The following NBDY variants were observed in gnomAD, a reference collection of about 807,000 sequenced individuals.
NBDY encodes P-body dissociating protein.
chrX:56,787,359 C>T (rs558719346), intron 2 of NBDY, among the ~76,000 whole-genome samples: 11 of 110,885 alleles, frequency 9.9e-5, no homozygotes, highest in South Asian at 7.7e-4. Context: ...AGCAAAGGGG[C>T]GTGGGCTTAA....
chrX:56,735,811 G>A (rs747509832), intron 2 of NBDY, among the ~76,000 whole-genome samples: 33 of 111,300 alleles, frequency 3.0e-4, no homozygotes, highest in African/African-American at 1.0e-3. Flanking sequence ...CTCCTTCTGC[G>A]AAGTAGGGCT....
Position 56,790,038 on chromosome X carries a change from G to A in NBDY, c.*167-27282G>A, listed in dbSNP as rs775899704. Among the ~76,000 whole-genome samples the A allele has an allele frequency of 6.3e-5, 7 of 111,327 alleles. No individual in the cohort carries two copies. In the South Asian group the frequency reaches 2.3e-3, roughly 37 times the overall value. On this transcript the variant is annotated intron_variant, in intron 2 of 2. Transcript: ENST00000374922. ...CTCAAGCTAAACTCTGGTGCTTGCC[G>A]GATATTCATCCAGAAAAATGAATGA...
At chrX:56,805,445 C>T (rs1353397410) in intron 2 of NBDY, among the ~76,000 whole-genome samples, 3 of 112,361 alleles carry the variant, frequency 2.7e-5, no homozygotes, top group African/African-American at 3.2e-5. Context: ...AGGCACCTCC[C>T]GTAAAACCTG....
At chrX:56,813,384 G>C (rs763886986) in intron 2 of NBDY, among the ~76,000 whole-genome samples, 2 of 110,580 alleles carry the variant, frequency 1.8e-5, no homozygotes, top group East Asian at 2.8e-4. Flanking sequence ...ACACAACAGC[G>C]ATCCACATTT....
rs578045791 is a variant in NBDY at position 56,750,606 on chromosome X, A to T, written c.*166+18407A>T. ...TTAGACTGAATGTTACCAAAACTGA[A>T]CTCTTCATCACCCCACCAGCAGCAC... On this transcript the variant is annotated intron_variant, in intron 2 of 2. Coordinates refer to ENST00000374922, the MANE Select transcript of NBDY (RefSeq NM_001348129.2). Among the ~76,000 whole-genome samples, 30 of 109,980 alleles carry T rather than the reference A, an allele frequency of 2.7e-4. No homozygotes were observed. In the South Asian group the frequency reaches 0.012, roughly 43 times the overall value.
At chrX:56,736,358 G>A (rs1259732301) in intron 2 of NBDY, among the ~76,000 whole-genome samples, 3 of 111,941 alleles carry the variant, frequency 2.7e-5, no homozygotes, top group Non-Finnish European at 5.7e-5. Flanking sequence ...TCCGCCCCCC[G>A]GGGTCAAGCA....
intron 2 of NBDY, among the ~76,000 whole-genome samples, chrX:56,792,988 C>T (rs1032123685): frequency 4.5e-5 from 5 of 111,651 alleles, no homozygotes; most frequent in African/African-American, 1.3e-4. Context: ...ATCTGTGGCA[C>T]GTGGTGGCCT....
intron 2 of NBDY, among the ~76,000 whole-genome samples, chrX:56,780,746 A>G: frequency 2.8e-5 from 2 of 71,158 alleles, no homozygotes; most frequent in Admixed American, 1.6e-4. Flanking sequence ...ATGGAACAGG[A>G]GTCACCCCCT....
intron 2 of NBDY, among the ~76,000 whole-genome samples, chrX:56,782,863 A>G (rs1211780516): frequency 1.8e-5 from 2 of 111,757 alleles, no homozygotes; most frequent in African/African-American, 6.5e-5. Flanking sequence ...TACACTCACA[A>G]GGGACCCCCC....
At chrX:56,734,074 G>A (rs1232162554) in intron 2 of NBDY, among the ~76,000 whole-genome samples, 1 of 112,344 alleles carries the variant, frequency 8.9e-6, no homozygotes, top group Non-Finnish European at 1.9e-5. Flanking sequence ...TTACCAAAAT[G>A]TACACTTTGG....
rs1218431957 is a variant in NBDY at position 56,819,130 on chromosome X, G to C, written c.*1977G>C. 9.1e-6 allele frequency: 1 copy of C among 109,990 alleles called. No homozygotes were observed. The highest frequency in any genetic ancestry group is 1.9e-5 in the Non-Finnish European group (1 of 52,808). 9.1% of individuals were successfully genotyped at this position (109,990 alleles called of 1,213,427 possible). On this transcript the variant is annotated 3_prime_UTR_variant, in exon 3 of 3. Coordinates refer to ENST00000374922, the MANE Select transcript of NBDY (RefSeq NM_001348129.2). ...ATATAGAATAAATTTTTGTGACCTT[G>C]AATTAAGTATTAGATTTTTAATTCT... is the stretch of plus-strand genomic sequence containing the variant.
intron 2 of NBDY, among the ~76,000 whole-genome samples, chrX:56,797,065 C>G (rs187397353): frequency 2.7e-3 from 297 of 109,538 alleles, no homozygotes; most frequent in African/African-American, 9.2e-3. Flanking sequence ...CTCCTTTCCT[C>G]CTCCTCCTCC....
chrX:56,797,274 T>G (rs1449864398), intron 2 of NBDY, among the ~76,000 whole-genome samples: 1 of 108,599 alleles, frequency 9.2e-6, no homozygotes, highest in East Asian at 2.9e-4. Flanking sequence ...TCTCTCCTTC[T>G]TTTCTATTTC....
chrX:56,751,714 A>G (rs149092235), intron 2 of NBDY, among the ~76,000 whole-genome samples: 4 of 112,430 alleles, frequency 3.6e-5, no homozygotes, highest in African/African-American at 9.7e-5. Context: ...ATCTGTCACC[A>G]TTGATTAGTT....
intron 2 of NBDY, among the ~76,000 whole-genome samples, chrX:56,767,680 A>G (rs72621717): frequency 1.9e-4 from 21 of 112,967 alleles, no homozygotes; most frequent in African/African-American, 3.2e-4. Flanking sequence ...TCTTCTCCTT[A>G]ACTTTCTTTT....
chrX:56,796,743 A>G (rs2069793806), intron 2 of NBDY, among the ~76,000 whole-genome samples: 1 of 110,484 alleles, frequency 9.1e-6, no homozygotes, highest in Non-Finnish European at 1.9e-5. Flanking sequence ...TGCTGATGAC[A>G]TCCTCAGGGC....
At chrX:56,786,489 T>C (rs1358998719) in intron 2 of NBDY, among the ~76,000 whole-genome samples, 1 of 111,175 alleles carries the variant, frequency 9.0e-6, no homozygotes, top group Non-Finnish European at 1.9e-5. Flanking sequence ...TTCCTCCTTC[T>C]AATCCTCATC....
intron 2 of NBDY, among the ~76,000 whole-genome samples, chrX:56,791,004 TC>T (rs1223727146): frequency 3.6e-5 from 4 of 112,568 alleles, no homozygotes; most frequent in Non-Finnish European, 7.5e-5. Flanking sequence ...TGACGCTTTC[TC>T]TTGGCTGGTG....
intron 2 of NBDY, among the ~76,000 whole-genome samples, chrX:56,803,337 C>G (rs2069833774): frequency 8.9e-6 from 1 of 111,880 alleles, no homozygotes; most frequent in Admixed American, 9.4e-5. Context: ...CCTTGGTTCA[C>G]TGGGAGGATA....
Sources: allele counts gnomAD v4.1 joint callset (sites outside exome capture counted in the v4.1 genomes callset), GRCh38; gene constraint gnomAD v4.1.1; transcripts MANE v1.5; gene names NCBI Gene and HGNC (gene_info 2026-07-23, HGNC 2026-07-21).